The following HSDL1 variants were observed in gnomAD, a reference collection of about 807,000 sequenced individuals.
HSDL1 encodes hydroxysteroid dehydrogenase like 1, also known as inactive hydroxysteroid dehydrogenase-like protein 1.
HSDL1 carries 29 observed loss-of-function variants against 31.5 expected under a neutral mutation model. The ratio of observed to expected loss-of-function variants is 0.92; its 90% confidence interval spans 0.69 to 1.26. The LOEUF is 1.26. Ranked by LOEUF, HSDL1 falls within the 50% of genes most tolerant of loss-of-function variation. The pLI, the probability that HSDL1 is intolerant of heterozygous loss-of-function variation, is 0.00. For synonymous variants in HSDL1, 222 were observed against 155.2 expected (o/e 1.43, Z -3.20); for missense variants, 503 against 416.6 (o/e 1.21, Z -1.81).
In HSDL1 at chr16:84,130,315, C is replaced by A. The variant is rs765766966; in HGVS notation, c.337G>T (p.Asp113Tyr). The change falls in exon 4 of 6, where the codon GAC becomes TAC. Residue 113 changes from aspartate to tyrosine, a missense_variant. Physicochemically the swap from Asp to Tyr is radical, Grantham distance 160. Transcript: ENST00000219439. Reference sequence around the variant, plus strand: ...ATATCAGTTTCCACTTTGTACGTGTCGGCTATGTCTTTAGCAACAACCTGC... The same window carrying A: ...ATATCAGTTTCCACTTTGTACGTGTAGGCTATGTCTTTAGCAACAACCTGC... Reference protein sequence around the residue: ...KLQVVAKDIADTYKVETDIIV... With the variant: ...KLQVVAKDIAYTYKVETDIIV... 2.5e-6 allele frequency: 4 copies of A among 1,614,062 alleles called. No homozygotes were observed. Among genetic ancestry groups the A allele is most frequent in the Admixed American group, 1.7e-5 (1 of 60,008 alleles).
chr16:84,129,560 G>T lies in HSDL1; in HGVS notation c.882C>A (p.Ser294=). ...GISKRTTGYW[S]HSIQFLFAQY... is the part of the protein sequence containing the mutation. ...AGCACACTCCTACCTGAATAGAATG[G>T]GACCAATATCCTGTGGTCCTTTTGG... Residue 294 remains serine, a synonymous_variant, in exon 5 of 6, where the codon TCC becomes TCA. Transcript: ENST00000219439. The T allele has an allele frequency of 6.2e-7, 1 of 1,612,908 alleles. No individual in the cohort carries two copies. The highest frequency in any genetic ancestry group is 8.5e-7 in the Non-Finnish European group (1 of 1,178,908).
chr16:84,141,492 T>C (rs979949324), intron 1 of HSDL1, among the ~76,000 whole-genome samples: 5 of 152,256 alleles, frequency 3.3e-5, no homozygotes, highest in Admixed American at 1.3e-4. Flanking sequence ...CAGGGAGCGC[T>C]TGTCCCCATC....
Position 84,131,154 on chromosome 16 carries a change from C to A in HSDL1, c.168G>T (p.Leu56=). ...SLIRLHFIPR[L]GSRADLIKQY... The stretch of plus-strand genomic sequence containing the variant: ...GCTTGATCAAGTCTGCTCTGCTCCC[C>A]AGGCGGGGGATAAAATGCAGCCTGA... Residue 56 remains leucine, a synonymous_variant, in exon 3 of 6, where the codon CTG becomes CTT. Coordinates refer to ENST00000219439, the MANE Select transcript of HSDL1 (RefSeq NM_031463.5). The A allele has an allele frequency of 6.2e-7, 1 of 1,614,212 alleles. No homozygotes were observed. Among genetic ancestry groups the A allele is most frequent in the Non-Finnish European group, 8.5e-7 (1 of 1,180,032 alleles).
intron 5 of HSDL1, among the ~76,000 whole-genome samples, chr16:84,126,331 C>T (rs2086606524): frequency 6.6e-6 from 1 of 152,020 alleles, no homozygotes; most frequent in Non-Finnish European, 1.5e-5. Context: ...TGCTGCTCTG[C>T]TTCAGGGTCT....
intron 1 of HSDL1, among the ~76,000 whole-genome samples, chr16:84,137,582 T>A (rs1158216990): frequency 6.6e-6 from 1 of 152,192 alleles, no homozygotes; most frequent in African/African-American, 2.4e-5. Flanking sequence ...GAGCCAAGGC[T>A]CTGTGGCCTC....
intron 5 of HSDL1, among the ~76,000 whole-genome samples, chr16:84,127,552 A>T (rs1227347382): frequency 6.6e-6 from 1 of 151,352 alleles, no homozygotes; most frequent in African/African-American, 2.4e-5. Context: ...CACTTTTCAT[A>T]AAAGTCATAA....
At chr16:84,134,695 C>A (rs940221674) in intron 2 of HSDL1, among the ~76,000 whole-genome samples, 5 of 152,022 alleles carry the variant, frequency 3.3e-5, no homozygotes, top group South Asian at 4.2e-4. Flanking sequence ...GGAAATAACT[C>A]ATAAAAAGTG....
At chr16:84,125,703 C>T (rs1244688593) in intron 5 of HSDL1, among the ~76,000 whole-genome samples, 1 of 152,226 alleles carries the variant, frequency 6.6e-6, no homozygotes, top group African/African-American at 2.4e-5. Context: ...AGAAACATGA[C>T]CACCACCCAC....
chr16:84,142,046 G>A (rs2086773901), intron 1 of HSDL1, among the ~76,000 whole-genome samples: 1 of 152,126 alleles, frequency 6.6e-6, no homozygotes, highest in Non-Finnish European at 1.5e-5. Context: ...TCCCACCTCA[G>A]CATCTCAAGT....
rs757162392 is a variant in HSDL1, at chr16:84,123,295, G to C, written c.*1335C>G. The C allele has an allele frequency of 6.6e-6, 1 of 152,194 alleles. No homozygotes were observed. Among genetic ancestry groups the C allele is most frequent in the Non-Finnish European group, 1.5e-5 (1 of 68,044 alleles). 9.4% of individuals were successfully genotyped at this position (152,194 alleles called of 1,614,324 possible). A position where few individuals can be genotyped will look rare whatever the true frequency, so the allele number is the denominator to read the frequency against. ...ACGTCACGAAAAAAATGCCACAGAA[G>C]TCCAGACTTTTAACCAATCTACTAG... On this transcript the variant is annotated 3_prime_UTR_variant, in exon 6 of 6. Transcript: ENST00000219439.
chr16:84,130,167 A>G lies in HSDL1; in HGVS notation c.485T>C (p.Phe162Ser). Residue 162 changes from phenylalanine (F) to serine (S), a missense_variant, in exon 4 of 6, where the codon TTC becomes TCC. Transcript: ENST00000219439. ...VGVFYPYPQY[F>S]TQLSEDKLWD... ...GAGCTTGTCCTCGGACAGCTGAGTG[A>G]AATACTGCGGGTAGGGATAAAACAC... The G allele has an allele frequency of 1.2e-6, 2 of 1,614,232 alleles. No homozygotes were observed. The highest frequency in any genetic ancestry group is 1.7e-6 in the Non-Finnish European group (2 of 1,180,046).
At chr16:84,138,604 T>C (rs2086735353) in intron 1 of HSDL1, among the ~76,000 whole-genome samples, 1 of 152,232 alleles carries the variant, frequency 6.6e-6, no homozygotes. Context: ...ATTTGTCAAT[T>C]ATACTTCGAT....
At position 84,124,560 on chromosome 16, in the gene HSDL1, G is replaced by A. The variant is rs59999757; in HGVS notation, c.*70C>T. ...ATGAAACACAGGAGATAAATTAAAT[G>A]TGTTTTTCCAAATGTCAGAATATCG... On this transcript the variant is annotated 3_prime_UTR_variant, in exon 6 of 6. Transcript: ENST00000219439. 12,347 of 914,430 alleles carry A rather than the reference G, an allele frequency of 0.014. 961 individuals carry two copies. In the African/African-American group the frequency reaches 0.17, roughly 13 times the overall value. The allele number at this position is 914,430 out of a possible 1,614,324, so 56.6% of individuals were successfully genotyped here. A position where few individuals can be genotyped will look rare whatever the true frequency, so the allele number is the denominator to read the frequency against.
intron 2 of HSDL1, among the ~76,000 whole-genome samples, chr16:84,131,534 A>T (rs562204461): frequency 2.8e-5 from 4 of 140,600 alleles, no homozygotes; most frequent in African/African-American, 1.1e-4. Context: ...TCTATCTATC[A>T]GACAGAGTCT....
At position 84,145,091 on chromosome 16, in the gene HSDL1, CAA is replaced by C. The variant is rs2086836646; in HGVS notation, c.-82_-81del. On this transcript the variant is annotated 5_prime_UTR_variant, in exon 1 of 6. Transcript: ENST00000219439. ...GGGGGGCGCGGTACCTGCAGGCCGG[CAA>C]AGTCTTCCAAACCGGTCCCGCCAGA... is the stretch of plus-strand genomic sequence containing the variant. The C allele has an allele frequency of 1.2e-5, 2 of 161,368 alleles. No individual in the cohort carries two copies. Among genetic ancestry groups the C allele is most frequent in the African/African-American group, 2.4e-5 (1 of 41,780 alleles). 10.0% of individuals were successfully genotyped at this position (161,368 alleles called of 1,614,324 possible).
rs374432421 is a variant in HSDL1 at position 84,125,955 on chromosome 16, T to C, written c.895-1227A>G. Reference sequence around the variant, plus strand: ...CATCTCTACTAAAAATACAAAAAATTAGCCAGGCGTGGTGGCGGGAGCCTG... The same window carrying C: ...CATCTCTACTAAAAATACAAAAAATCAGCCAGGCGTGGTGGCGGGAGCCTG... On this transcript the variant is annotated intron_variant, in intron 5 of 5. Coordinates refer to ENST00000219439, the MANE Select transcript of HSDL1 (RefSeq NM_031463.5). 9.3e-4 allele frequency among the ~76,000 whole-genome samples: 142 copies of C among 151,962 alleles called. 4 individuals carry two copies. In the South Asian group the frequency reaches 0.027, roughly 29 times the overall value.
intron 2 of HSDL1, among the ~76,000 whole-genome samples, chr16:84,133,606 T>C (rs2086687445): frequency 1.3e-5 from 2 of 152,184 alleles, no homozygotes; most frequent in South Asian, 4.1e-4. Context: ...GGTGGGCACA[T>C]GTAATCCCAG....
At position 84,122,381 on chromosome 16, in the gene HSDL1, C is replaced by T. The variant is rs1007833684; in HGVS notation, c.*2249G>A. Reference sequence around the variant, plus strand: ...CCACGTTCTTTTTTTTTTTTTGAGACAGGGTCTCGCTCTGTCTCAAGGCTG... The same window carrying T: ...CCACGTTCTTTTTTTTTTTTTGAGATAGGGTCTCGCTCTGTCTCAAGGCTG... On this transcript the variant is annotated 3_prime_UTR_variant, in exon 6 of 6. Transcript: ENST00000219439. 8 of 147,756 alleles carry T rather than the reference C, an allele frequency of 5.4e-5. No homozygotes were observed. Among genetic ancestry groups the T allele is most frequent in the African/African-American group, 2.0e-4 (8 of 39,248 alleles). The allele number at this position is 147,756 out of a possible 1,614,324, so 9.2% of individuals were successfully genotyped here.
rs893025832 is a variant in HSDL1 at position 84,122,360 on chromosome 16, G to A, written c.*2270C>T. 6.9e-5 allele frequency: 10 copies of A among 144,204 alleles called. No individual in the cohort carries two copies. The highest frequency in any genetic ancestry group is 1.2e-4 in the Non-Finnish European group (8 of 66,764). The allele number at this position is 144,204 out of a possible 1,614,324, so 8.9% of individuals were successfully genotyped here. A position where few individuals can be genotyped will look rare whatever the true frequency, so the allele number is the denominator to read the frequency against. On this transcript the variant is annotated 3_prime_UTR_variant, in exon 6 of 6. Coordinates refer to ENST00000219439, the MANE Select transcript of HSDL1 (RefSeq NM_031463.5). ...ACTTTCAAAGGTTCATATTTCCCAC[G>A]TTCTTTTTTTTTTTTTGAGACAGGG...
Sources: gnomAD v4.1 joint callset for allele counts (sites outside exome capture counted in the v4.1 genomes callset) on GRCh38, gnomAD v4.1.1 for gene constraint, MANE v1.5 for transcripts, NCBI Gene and HGNC (gene_info 2026-07-23, HGNC 2026-07-21) for gene names.